NOX4: variants seen among roughly 807,000 people sequenced by gnomAD.
NOX4 encodes NADPH oxidase 4, also known as kidney oxidase-1.
NOX4 carries 69 observed loss-of-function variants against 87.6 expected under a neutral mutation model. The observed-to-expected ratio is 0.79, with a 90% CI of 0.65 to 0.96. NOX4 has a LOEUF of 0.96. Ranked by LOEUF, NOX4 falls within the 40% of genes least tolerant of loss-of-function variation. The probability of loss-of-function intolerance (pLI) is 0.00; values close to 1 mark genes in which losing one functional copy is unlikely to be tolerated. For synonymous variants in NOX4, 275 were observed against 238.2 expected (o/e 1.15, Z -1.42); for missense variants, 680 against 681.5 (o/e 1.00, Z 0.02).
At chr11:89,430,087 A>C (rs1943697006) in intron 7 of NOX4, among the ~76,000 whole-genome samples, 1 of 152,216 alleles carries the variant, frequency 6.6e-6, no homozygotes, top group African/African-American at 2.4e-5. Context: ...ATATAAACAG[A>C]ACCAAAGACA....
chr11:89,490,421 C>T (rs771497633), intron 2 of NOX4, 37 bp downstream of exon 2: 8 of 1,401,972 alleles, frequency 5.7e-6, no homozygotes, highest in Non-Finnish European at 8.1e-6. Flanking sequence ...CAGTGTTAAA[C>T]CCATTCCACC....
At chr11:89,566,398 C>T in the NOX4 span, among the ~76,000 whole-genome samples, 2 of 152,152 alleles carry the variant, frequency 1.3e-5, no homozygotes, top group South Asian at 4.1e-4. Flanking sequence ...TATGTTTATG[C>T]TGCTCTTATA....
chr11:89,408,850 A>T (rs1942324042), intron 8 of NOX4, among the ~76,000 whole-genome samples: 5 of 152,194 alleles, frequency 3.3e-5, no homozygotes. Context: ...TTTTGATCAA[A>T]GAATCCCACA....
chr11:89,471,433 AAAGT>A (rs1237144943), intron 2 of NOX4, among the ~76,000 whole-genome samples: 1 of 152,216 alleles, frequency 6.6e-6, no homozygotes, highest in Non-Finnish European at 1.5e-5. Context: ...GAAACCACAT[AAAGT>A]AAGCTGTACA....
chr11:89,452,483 C>A (rs757830366), intron 2 of NOX4, among the ~76,000 whole-genome samples: 29 of 152,174 alleles, frequency 1.9e-4, no homozygotes, highest in Non-Finnish European at 2.6e-4. Context: ...CACTGGTATA[C>A]AAGCATTCAT....
intron 13 of NOX4, among the ~76,000 whole-genome samples, chr11:89,344,020 T>C (rs1946114624): frequency 6.6e-6 from 1 of 151,722 alleles, no homozygotes; most frequent in African/African-American, 2.4e-5. Flanking sequence ...TCAAGCTACA[T>C]TTCTGTTTTA....
chr11:89,337,336 T>C, intron 16 of NOX4, 111 bp downstream of exon 16: 2 of 1,511,436 alleles, frequency 1.3e-6, no homozygotes, highest in South Asian at 1.2e-5. Context: ...GAGGCTTTCC[T>C]CTAGGAAACT....
chr11:89,355,684 T>C (rs1024790098), intron 12 of NOX4, among the ~76,000 whole-genome samples: 2 of 152,150 alleles, frequency 1.3e-5, no homozygotes, highest in Non-Finnish European at 2.9e-5. Context: ...TTGATCAACC[T>C]AAGCTCTTAT....
intron 2 of NOX4, among the ~76,000 whole-genome samples, chr11:89,489,704 G>T (rs1224656525): frequency 6.0e-5 from 9 of 149,092 alleles, no homozygotes; most frequent in Non-Finnish European, 1.3e-4. Flanking sequence ...CTCCAGCCTG[G>T]GCATCGCAGC....
rs966727360 is a variant in NOX4 at position 89,380,223 on chromosome 11, T to C, written c.1075-6731A>G. 7.8e-4 allele frequency among the ~76,000 whole-genome samples: 118 copies of C among 152,148 alleles called. 1 individual carries two copies. The highest frequency in any genetic ancestry group is 2.8e-3 in the African/African-American group (115 of 41,472). On this transcript the variant is annotated intron_variant, in intron 11 of 17. Coordinates refer to ENST00000263317, the MANE Select transcript of NOX4 (RefSeq NM_016931.5). Reference sequence around the variant, plus strand: ...TTGTAATACTTAGAGCTTGTGGGGATGATAAGGAACAACAAAAATAGACTG... The same window carrying C: ...TTGTAATACTTAGAGCTTGTGGGGACGATAAGGAACAACAAAAATAGACTG...
the NOX4 span, among the ~76,000 whole-genome samples, chr11:89,577,892 G>A: frequency 6.6e-6 from 1 of 152,052 alleles, no homozygotes; most frequent in East Asian, 1.9e-4. Context: ...GAGAATTGAG[G>A]AGTGTGTATG....
At chr11:89,433,266 C>A (rs1028173683) in intron 6 of NOX4, among the ~76,000 whole-genome samples, 9 of 152,052 alleles carry the variant, frequency 5.9e-5, no homozygotes, top group South Asian at 2.1e-4. Flanking sequence ...AACACCAGAA[C>A]TTATTAAAAT....
intron 7 of NOX4, among the ~76,000 whole-genome samples, chr11:89,431,697 A>G (rs987450378): frequency 6.6e-6 from 1 of 152,156 alleles, no homozygotes; most frequent in Admixed American, 6.5e-5. Flanking sequence ...AAAGTCAGGA[A>G]ACAACAGGTG....
intron 8 of NOX4, among the ~76,000 whole-genome samples, chr11:89,414,000 G>C (rs903229960): frequency 6.6e-6 from 1 of 151,992 alleles, no homozygotes; most frequent in Non-Finnish European, 1.5e-5. Context: ...GTATATGTGT[G>C]TGTATAGTGT....
intron 2 of NOX4, among the ~76,000 whole-genome samples, chr11:89,475,103 A>C (rs1946110332): frequency 6.6e-6 from 1 of 151,970 alleles, no homozygotes; most frequent in South Asian, 2.1e-4. Flanking sequence ...ACAGAGATAA[A>C]TCTAATGTGA....
intron 11 of NOX4, among the ~76,000 whole-genome samples, chr11:89,385,268 C>T (rs1187389290): frequency 2.0e-5 from 3 of 152,098 alleles, no homozygotes; most frequent in Non-Finnish European, 2.9e-5. Flanking sequence ...CTCAAGGCCA[C>T]TTTACTTCCA....
chr11:89,418,738 C>T (rs1038348917), intron 8 of NOX4, among the ~76,000 whole-genome samples: 3 of 151,906 alleles, frequency 2.0e-5, no homozygotes, highest in Non-Finnish European at 2.9e-5. Flanking sequence ...AGAACTTCCC[C>T]TAAGACAGAA....
At chr11:89,576,287 G>GTGTT in the NOX4 span, among the ~76,000 whole-genome samples, 3 of 152,204 alleles carry the variant, frequency 2.0e-5, no homozygotes, top group Admixed American at 2.0e-4. Flanking sequence ...GTGAGTTCTA[G>GTGTT]TGTTCACTAC....
intron 13 of NOX4, among the ~76,000 whole-genome samples, chr11:89,348,791 C>T (rs1255031054): frequency 6.6e-6 from 1 of 151,876 alleles, no homozygotes; most frequent in Non-Finnish European, 1.5e-5. Context: ...ATTTGAGGGG[C>T]CAAACAAATC....
Sources: gnomAD v4.1 joint callset for allele counts (sites outside exome capture counted in the v4.1 genomes callset) on GRCh38, gnomAD v4.1.1 for gene constraint, MANE v1.5 for transcripts, NCBI Gene and HGNC (gene_info 2026-07-23, HGNC 2026-07-21) for gene names.